The following SPINK5 variants were observed in gnomAD, a reference collection of about 807,000 sequenced individuals.
SPINK5 encodes serine peptidase inhibitor Kazal type 5.
In SPINK5, 125 loss-of-function variants were observed where a neutral mutation model predicts 151.8. That is an observed-to-expected ratio of 0.82 (90% CI 0.71 to 0.96). SPINK5 has a LOEUF of 0.96. Among genes scored for constraint, SPINK5 ranks in the 40% least tolerant of loss-of-function variants. The probability of loss-of-function intolerance (pLI) is 0.00; values close to 1 mark genes in which losing one functional copy is unlikely to be tolerated. For synonymous variants in SPINK5, 374 were observed against 395.3 expected, an observed-to-expected ratio of 0.95 and a Z score of 0.64; for missense variants, 1,194 against 1,291.9, an observed-to-expected ratio of 0.92 and a Z score of 1.16.
chr5:148,073,387 A>C (rs923525704), intron 4 of SPINK5, among the ~76,000 whole-genome samples: 1 of 151,942 alleles, frequency 6.6e-6, no homozygotes, highest in Non-Finnish European at 1.5e-5. Context: ...TTTTAAAACA[A>C]TAACAGACAC....
chr5:148,099,104 G>A (rs1753559260), intron 11 of SPINK5, 130 bp from the exon 12 acceptor site: 1 of 735,238 alleles, frequency 1.4e-6, no homozygotes, highest in African/African-American at 1.8e-5. Context: ...GCTTCTCATT[G>A]ATATGCAGTG....
intron 3 of SPINK5, among the ~76,000 whole-genome samples, chr5:148,071,112 AT>A (rs1294997234): frequency 1.3e-5 from 2 of 152,144 alleles, no homozygotes; most frequent in East Asian, 3.9e-4. Context: ...TGGGTTATCA[AT>A]TGCAAATCCT....
At chr5:148,103,666 TG>T (rs1285930928) in intron 15 of SPINK5, among the ~76,000 whole-genome samples, 11 of 152,222 alleles carry the variant, frequency 7.2e-5, no homozygotes, top group Non-Finnish European at 1.6e-4. Flanking sequence ...AATTCTTTAT[TG>T]AAAAGAAATA....
In SPINK5 at chr5:148,114,160, T is replaced by G. The variant is rs187128656; in HGVS notation, c.1888-202T>G. 2.7e-3 allele frequency among the ~76,000 whole-genome samples: 418 copies of G among 152,232 alleles called. 4 individuals carry two copies. The highest frequency in any genetic ancestry group is 9.5e-3 in the African/African-American group (396 of 41,536). On this transcript the variant is annotated intron_variant, in intron 20 of 32. Coordinates refer to ENST00000256084, the MANE Select transcript of SPINK5 (RefSeq NM_006846.4). ...ATGGTTGCAGGTTTAGTCTGGATTT[T>G]GGGGCTATCAAGGAAAAAGAAATAC...
intron 4 of SPINK5, among the ~76,000 whole-genome samples, chr5:148,085,506 C>A (rs898563323): frequency 6.6e-6 from 1 of 151,872 alleles, no homozygotes; most frequent in Non-Finnish European, 1.5e-5. Flanking sequence ...TAAGAATTCA[C>A]TTGATCCTTA....
Position 148,137,020 on chromosome 5 carries a change from A to G in SPINK5, c.*29A>G, listed in dbSNP as rs747912709. On this transcript the variant is annotated 3_prime_UTR_variant, in exon 33 of 33. Coordinates refer to ENST00000256084, the MANE Select transcript of SPINK5 (RefSeq NM_006846.4). The stretch of plus-strand genomic sequence containing the variant: ...GAAGATTGTTGAAAGCCATGAGGGA[A>G]AAAATAAACCCCAGTTCTGAATCAC... 8 of 1,613,386 alleles carry G rather than the reference A, an allele frequency of 5.0e-6. No homozygotes were observed. Among genetic ancestry groups the G allele is most frequent in the Middle Eastern group, 1.6e-4 (1 of 6,084 alleles).
intron 26 of SPINK5, among the ~76,000 whole-genome samples, chr5:148,123,521 G>GTGTGTGTATGTATATATATA (rs1328976077): frequency 4.0e-5 from 1 of 25,016 alleles, no homozygotes; most frequent in African/African-American, 8.0e-5. Flanking sequence ...CAATATATGT[G>GTGTGTGTATGTATATATATA]TATATATATA....
chr5:148,069,349 G>A (rs930027227), intron 2 of SPINK5, among the ~76,000 whole-genome samples: 79 of 151,672 alleles, frequency 5.2e-4, no homozygotes, highest in African/African-American at 1.9e-3. Context: ...TATTTAAAAT[G>A]TTTCCCCTGT....
intron 16 of SPINK5, 145 bp downstream of exon 16, chr5:148,105,145 G>A: frequency 1.1e-6 from 1 of 895,628 alleles, no homozygotes; most frequent in Non-Finnish European, 1.7e-6. Context: ...AACAAAAAGG[G>A]TCCTGATAAG....
At chr5:148,123,668 T>C (rs1252365043) in intron 26 of SPINK5, among the ~76,000 whole-genome samples, 165 bp from the exon 27 acceptor site, 1 of 151,402 alleles carries the variant, frequency 6.6e-6, no homozygotes, top group Non-Finnish European at 1.5e-5. Flanking sequence ...TCAAACTTCT[T>C]AGGTAGAGAT....
At chr5:148,124,880 C>T in intron 28 of SPINK5, 43 bp downstream of exon 28, 1 of 1,526,244 alleles carries the variant, frequency 6.6e-7, no homozygotes, top group Non-Finnish European at 8.8e-7. Context: ...TTACTTTTCA[C>T]CTTCAGAATT....
At chr5:148,101,685 A>G in intron 14 of SPINK5, 96 bp from the exon 15 acceptor site, 1 of 1,577,754 alleles carries the variant, frequency 6.3e-7, no homozygotes, top group Non-Finnish European at 8.7e-7. Flanking sequence ...CCAATTGCTA[A>G]TCCTCGTTTA....
Position 148,099,047 on chromosome 5 carries a change from A to C in SPINK5, c.1011-187A>C, listed in dbSNP as rs543246985. On this transcript the variant is annotated intron_variant, in intron 11 of 32. Coordinates refer to ENST00000256084, the MANE Select transcript of SPINK5 (RefSeq NM_006846.4). The stretch of plus-strand genomic sequence containing the variant: ...GTCTTTCTTTCAACATTAAACAGAC[A>C]TTATGAAGAAATCATAGCACCATAC... Among the ~76,000 whole-genome samples the C allele has an allele frequency of 2.0e-5, 3 of 152,054 alleles. No individual in the cohort carries two copies. In the East Asian group the frequency reaches 5.8e-4, roughly 30 times the overall value.
intron 26 of SPINK5, among the ~76,000 whole-genome samples, chr5:148,122,434 A>G (rs998373150): frequency 2.0e-5 from 3 of 152,212 alleles, no homozygotes; most frequent in Admixed American, 6.5e-5. Flanking sequence ...GGGTAAGTAC[A>G]ATCTAGGTTA....
rs191384444 is a variant in SPINK5 at position 148,095,937 on chromosome 5, C to G, written c.882+32C>G. On this transcript the variant is annotated intron_variant, in intron 10 of 32. Coordinates refer to ENST00000256084, the MANE Select transcript of SPINK5 (RefSeq NM_006846.4). ...ATCAGTTTGATCAATCTAGTTACAA[C>G]TTGTGTGTGTGTGGGGGGGTGCGTG... 3.2e-4 allele frequency: 494 copies of G among 1,530,122 alleles called. 2 individuals carry two copies. In the African/African-American group the frequency reaches 6.3e-3, roughly 19 times the overall value. 94.8% of individuals were successfully genotyped at this position (1,530,122 alleles called of 1,614,324 possible).
chr5:148,122,845 G>A (rs1403344362), intron 26 of SPINK5, among the ~76,000 whole-genome samples: 3 of 146,512 alleles, frequency 2.0e-5, no homozygotes, highest in African/African-American at 2.5e-5. Context: ...TAAACCACAC[G>A]ATAAAGCACC....
chr5:148,129,814 TTG>T (rs1274786139), intron 30 of SPINK5, among the ~76,000 whole-genome samples: 1 of 152,192 alleles, frequency 6.6e-6, no homozygotes, highest in East Asian at 1.9e-4. Flanking sequence ...TATGTCGTCT[TTG>T]TATCTGTTTT....
chr5:148,116,578 C>T, intron 22 of SPINK5, 112 bp downstream of exon 22: 1 of 1,072,540 alleles, frequency 9.3e-7, no homozygotes, highest in Non-Finnish European at 1.4e-6. Flanking sequence ...CTTGAGAGAA[C>T]AGAGAAGTTT....
At chr5:148,078,508 G>A (rs1752940310) in intron 4 of SPINK5, among the ~76,000 whole-genome samples, 1 of 150,758 alleles carries the variant, frequency 6.6e-6, no homozygotes, top group South Asian at 2.1e-4. Context: ...AGCAACAGAG[G>A]AACATTTTCA....
Sources: gnomAD v4.1 joint callset for allele counts (sites outside exome capture counted in the v4.1 genomes callset) on GRCh38, gnomAD v4.1.1 for gene constraint, MANE v1.5 for transcripts, NCBI Gene and HGNC (gene_info 2026-07-23, HGNC 2026-07-21) for gene names.